Variants in VWDE observed in about 807,000 individuals in gnomAD.
The protein encoded by VWDE is von Willebrand factor D and EGF domains.
Under a neutral mutation model 178.4 loss-of-function variants are expected in VWDE, and 207 were observed. The ratio of observed to expected loss-of-function variants is 1.16; its 90% CI spans 1.04 to 1.30. The LOEUF is 1.30. VWDE is among the 50% of genes most tolerant of loss of function. VWDE has a pLI of 0.00. For missense variants in VWDE, 2,287 were observed against 1,901.3 expected, an observed-to-expected ratio of 1.20 and a Z score of -3.77; for synonymous variants, 738 against 651.4, an observed-to-expected ratio of 1.13 and a Z score of -2.02.
Position 12,331,110 on chromosome 7 carries a change from A to G in VWDE, c.*73T>C. 1 of 1,283,976 alleles carries G rather than the reference A, an allele frequency of 7.8e-7. No individual in the cohort carries two copies. The highest frequency in any genetic ancestry group is 1.1e-6 in the Non-Finnish European group (1 of 928,646). 79.5% of individuals were successfully genotyped at this position (1,283,976 alleles called of 1,614,324 possible). A position where few individuals can be genotyped will look rare whatever the true frequency, so the allele number is the denominator to read the frequency against. ...ATGATGTTCAAATAAACTCCAAGTTATCTCCAACTTTTTCTGAACAAAATA... is the reference window on the plus strand; with the variant it reads ...ATGATGTTCAAATAAACTCCAAGTTGTCTCCAACTTTTTCTGAACAAAATA... On this transcript the variant is annotated 3_prime_UTR_variant, in exon 29 of 29. Transcript: ENST00000275358.
At chr7:12,345,388 C>G (rs1409601914) in intron 19 of VWDE, among the ~76,000 whole-genome samples, 8 of 152,044 alleles carry the variant, frequency 5.3e-5, no homozygotes. Flanking sequence ...GAGTTTCATA[C>G]TACCTCTGCA....
intron 22 of VWDE, among the ~76,000 whole-genome samples, chr7:12,342,688 T>G (rs4721088): frequency 0.11 from 17,122 of 151,544 alleles, 1,337 homozygotes; most frequent in Non-Finnish European, 0.17. Context: ...TGATTATTAT[T>G]ATTATTATTA....
intron 7 of VWDE, among the ~76,000 whole-genome samples, chr7:12,376,353 G>C (rs1323019860): frequency 1.3e-5 from 2 of 152,008 alleles, no homozygotes; most frequent in Non-Finnish European, 1.5e-5. Context: ...ACTTAAAGAG[G>C]ACAAGATGAG....
At position 12,370,305 on chromosome 7, in the gene VWDE, G is replaced by A; in HGVS notation, c.2001C>T (p.Val667=). The stretch of plus-strand genomic sequence containing the variant: ...TGTCTGAATTAATATATTCGGAGGT[G>A]ACATCTAGTTCTGGTATCAAAGAAG... The part of the protein sequence containing the change: ...SLSSLIPELD[V]TSEYINSDTL... Residue 667 remains valine (V), a synonymous_variant, in exon 12 of 29, where the codon GTC becomes GTT. Transcript: ENST00000275358. 1 of 1,551,146 alleles carries A rather than the reference G, an allele frequency of 6.4e-7. No homozygotes were observed. Among genetic ancestry groups the A allele is most frequent in the Non-Finnish European group, 8.7e-7 (1 of 1,146,842 alleles).
intron 28 of VWDE, among the ~76,000 whole-genome samples, chr7:12,331,801 C>T (rs773619437): frequency 6.6e-6 from 1 of 152,112 alleles, no homozygotes; most frequent in Non-Finnish European, 1.5e-5. Flanking sequence ...AGTGAGTGCA[C>T]TCAGCCACAA....
At chr7:12,337,579 T>C (rs533747173) in intron 24 of VWDE, among the ~76,000 whole-genome samples, 1 of 152,292 alleles carries the variant, frequency 6.6e-6, no homozygotes, top group African/African-American at 2.4e-5. Flanking sequence ...TGGAATGATC[T>C]AGACAAAACC....
chr7:12,345,754 T>C (rs1781565624), intron 19 of VWDE, among the ~76,000 whole-genome samples: 1 of 152,150 alleles, frequency 6.6e-6, no homozygotes, highest in Non-Finnish European at 1.5e-5. Context: ...CTGAGATTTG[T>C]ACTGAGACTA....
intron 1 of VWDE, among the ~76,000 whole-genome samples, chr7:12,403,429 A>T (rs752336518): frequency 6.6e-6 from 1 of 152,258 alleles, no homozygotes; most frequent in African/African-American, 2.4e-5. Context: ...GAGTAAGAGG[A>T]GGCAACAACC....
chr7:12,340,337 C>T lies in VWDE; in HGVS notation c.4351G>A (p.Glu1451Lys). 7 of 1,550,670 alleles carry T rather than the reference C, an allele frequency of 4.5e-6. No individual in the cohort carries two copies. The highest frequency in any genetic ancestry group is 3.5e-6 in the Non-Finnish European group (4 of 1,146,302). The change falls in exon 24 of 29, where the codon GAA becomes AAA. Residue 1451 changes from glutamate (E) to lysine (K), a missense_variant. Coordinates refer to ENST00000275358, the MANE Select transcript of VWDE (RefSeq NM_001135924.3). ...GAATAATTACCATTCTGACAGTGTT[C>T]CCCAAAGAATCCATTTGGACAGAGG... Reference protein sequence around the residue: ...TCLCPNGFFGEHCQNAFCHPP... With the variant: ...TCLCPNGFFGKHCQNAFCHPP...
chr7:12,394,978 A>G (rs1267871020), intron 1 of VWDE, among the ~76,000 whole-genome samples: 2 of 152,182 alleles, frequency 1.3e-5, no homozygotes, highest in Admixed American at 6.5e-5. Context: ...TACGAAAAAT[A>G]AGTCATTATA....
At position 12,373,030 on chromosome 7, in the gene VWDE, C is replaced by A. The variant is rs1783297641; in HGVS notation, c.1534G>T (p.Asp512Tyr). The change falls in exon 10 of 29, where the codon GAT (aspartate) becomes TAT (tyrosine). Residue 512 changes from aspartate (D) to tyrosine (Y), a missense_variant. Asp to Tyr is a radical substitution (Grantham distance 160, BLOSUM62 -3). Coordinates refer to ENST00000275358, the MANE Select transcript of VWDE (RefSeq NM_001135924.3). ...CTTATCTTGATATTCCTGGTTACAT[C>A]TTGGCTTTTTATGAACAAATATGGT... is the stretch of plus-strand genomic sequence containing the variant. ...SQPYLFIKSQ[D>Y]VTRNIKISES... is the part of the protein sequence containing the mutation. The A allele has an allele frequency of 1.9e-5, 30 of 1,551,216 alleles. No homozygotes were observed. Among genetic ancestry groups the A allele is most frequent in the Non-Finnish European group, 2.5e-5 (29 of 1,146,666 alleles).
At chr7:12,397,142 G>C (rs1182664350) in intron 1 of VWDE, among the ~76,000 whole-genome samples, 1 of 151,996 alleles carries the variant, frequency 6.6e-6, no homozygotes, top group African/African-American at 2.4e-5. Flanking sequence ...AATAAAGCCT[G>C]AGGCATTACA....
chr7:12,355,598 G>A (rs536004126), intron 18 of VWDE, among the ~76,000 whole-genome samples: 4 of 151,878 alleles, frequency 2.6e-5, no homozygotes, highest in East Asian at 1.9e-4. Context: ...AAAAAGCTGC[G>A]GGAAATTAAA....
chr7:12,335,996 G>T, intron 27 of VWDE, 145 bp downstream of exon 27: 8 of 658,620 alleles, frequency 1.2e-5, no homozygotes, highest in Non-Finnish European at 1.7e-5. Context: ...GGAAGTTTTT[G>T]TTTTATATCT....
At chr7:12,359,480 G>A (rs1343173199) in intron 16 of VWDE, 98 bp downstream of exon 16, 4 of 721,538 alleles carry the variant, frequency 5.5e-6, no homozygotes, top group African/African-American at 5.4e-5. Flanking sequence ...TAAACACAGA[G>A]GTCATTCATC....
At position 12,351,605 on chromosome 7, in the gene VWDE, C is replaced by A; in HGVS notation, c.3854G>T (p.Arg1285Met). 3.2e-6 allele frequency: 5 copies of A among 1,549,702 alleles called. No homozygotes were observed. The highest frequency in any genetic ancestry group is 4.4e-6 in the Non-Finnish European group (5 of 1,146,134). Residue 1285 changes from arginine to methionine, a missense_variant, in exon 19 of 29, where the codon AGG becomes ATG. Coordinates refer to ENST00000275358, the MANE Select transcript of VWDE (RefSeq NM_001135924.3). ...ATTTCCACTTGTTGGCTTAACATGCCTCTTTCTCCCTTGGGCATTTTTATC... is the reference window on the plus strand; with the variant it reads ...ATTTCCACTTGTTGGCTTAACATGCATCTTTCTCCCTTGGGCATTTTTATC... ...EDDKNAQGRK[R>M]HVKPTSGNAF...
intron 15 of VWDE, among the ~76,000 whole-genome samples, chr7:12,360,633 T>C (rs1782527158): frequency 6.6e-6 from 1 of 152,124 alleles, no homozygotes; most frequent in Non-Finnish European, 1.5e-5. Flanking sequence ...TACGGAAGGC[T>C]GGATATAGAC....
chr7:12,391,398 G>A (rs1186950223), intron 2 of VWDE, among the ~76,000 whole-genome samples: 1 of 152,190 alleles, frequency 6.6e-6, no homozygotes, highest in Non-Finnish European at 1.5e-5. Context: ...ATGAGAGGGT[G>A]GGGATAGGGA....
At position 12,369,873 on chromosome 7, in the gene VWDE, CT is replaced by C. The variant is rs1212225045; in HGVS notation, c.2432del (p.Gln811ArgfsTer4). ...LTEYSTLTLCQETLANSSIGR... is the reference protein window; with the variant it reads ...LTEYSTLTLCXETLANSSIGR... The stretch of plus-strand genomic sequence containing the variant: ...CTATGCTGGAGTTGGCTAGAGTCTC[CT>C]GACAGAGGGTCAAGGTGCTATACTC... On this transcript the variant is annotated frameshift_variant, in exon 12 of 29. Transcript: ENST00000275358. LOFTEE classifies it high-confidence loss of function. The C allele has an allele frequency of 7.1e-6, 11 of 1,551,346 alleles. No homozygotes were observed. The highest frequency in any genetic ancestry group is 9.6e-6 in the Non-Finnish European group (11 of 1,146,886).
Sources: allele counts gnomAD v4.1 joint callset (sites outside exome capture counted in the v4.1 genomes callset), GRCh38; gene constraint gnomAD v4.1.1; transcripts MANE v1.5; gene names NCBI Gene and HGNC (gene_info 2026-07-23, HGNC 2026-07-21).